The following LRRTM4 variants were observed in gnomAD, a reference collection of about 807,000 sequenced individuals.
The protein encoded by LRRTM4 is leucine rich repeat transmembrane neuronal 4, also known as leucine-rich repeat transmembrane neuronal protein 4.
LRRTM4 carries 25 observed loss-of-function variants against 47.6 expected under a neutral mutation model. That is an observed-to-expected ratio of 0.53 (90% CI 0.38 to 0.73). The LOEUF (loss-of-function observed/expected upper bound fraction) is 0.73, where lower values mean the gene tolerates loss of function less well. Among genes scored for constraint, LRRTM4 ranks in the 30% least tolerant of loss-of-function variants. LRRTM4 has a pLI of 0.00. For missense variants in LRRTM4, 638 were observed against 713.4 expected (o/e 0.89, Z 1.20); for synonymous variants, 311 against 269.5 (o/e 1.15, Z -1.51).
At chr2:77,264,092 G>T (rs568931650) in intron 3 of LRRTM4, among the ~76,000 whole-genome samples, 78 of 152,022 alleles carry the variant, frequency 5.1e-4, no homozygotes, top group African/African-American at 1.6e-3. Context: ...AATTGCATAT[G>T]GGAAAGTGTA....
chr2:76,770,624 T>G (rs2104110994), intron 3 of LRRTM4, among the ~76,000 whole-genome samples: 1 of 152,338 alleles, frequency 6.6e-6, no homozygotes, highest in African/African-American at 2.4e-5. Context: ...TTAATTCTTT[T>G]TAAAAGATGA....
chr2:77,150,381 A>C (rs1672382559), intron 3 of LRRTM4, among the ~76,000 whole-genome samples: 1 of 152,154 alleles, frequency 6.6e-6, no homozygotes, highest in Admixed American at 6.6e-5. Flanking sequence ...ATTTGCAAAG[A>C]AAATGAAGAT....
chr2:77,062,668 T>C (rs966570037), intron 3 of LRRTM4, among the ~76,000 whole-genome samples: 2 of 152,138 alleles, frequency 1.3e-5, no homozygotes, highest in African/African-American at 4.8e-5. Flanking sequence ...TCCTTTTTTT[T>C]CTCTCTGTCT....
At chr2:77,234,651 T>C (rs912913255) in intron 3 of LRRTM4, among the ~76,000 whole-genome samples, 1 of 152,194 alleles carries the variant, frequency 6.6e-6, no homozygotes, top group Non-Finnish European at 1.5e-5. Context: ...TGAAACCACC[T>C]GGGCAGATTT....
chr2:77,190,381 C>T (rs374098390), intron 3 of LRRTM4, among the ~76,000 whole-genome samples: 4 of 151,186 alleles, frequency 2.6e-5, no homozygotes, highest in East Asian at 3.9e-4. Flanking sequence ...CTGCAACCTC[C>T]GCCTCCCAGT....
chr2:77,185,217 C>G (rs1673466980), intron 3 of LRRTM4, among the ~76,000 whole-genome samples: 1 of 152,154 alleles, frequency 6.6e-6, no homozygotes, highest in South Asian at 2.1e-4. Context: ...CTCAATTCCA[C>G]ATGTTCTGGT....
At chr2:76,934,257 C>G (rs1181529883) in intron 3 of LRRTM4, among the ~76,000 whole-genome samples, 2 of 152,154 alleles carry the variant, frequency 1.3e-5, no homozygotes, top group African/African-American at 4.8e-5. Context: ...CCCACTTACA[C>G]ACATATGTAT....
At chr2:77,141,156 T>A (rs568272625) in intron 3 of LRRTM4, among the ~76,000 whole-genome samples, 163 of 152,272 alleles carry the variant, frequency 1.1e-3, no homozygotes, top group African/African-American at 3.6e-3. Context: ...CATGCTGCTG[T>A]AAAGACACAT....
At position 76,807,425 on chromosome 2, in the gene LRRTM4, C is replaced by CACACACAT. The variant is rs368842956; in HGVS notation, c.1552-58510_1552-58509insATGTGTGT. Among the ~76,000 whole-genome samples the CACACACAT allele has an allele frequency of 5.5e-4, 54 of 98,056 alleles. 2 individuals carry two copies. The highest frequency in any genetic ancestry group is 5.3e-3 in the Middle Eastern group (1 of 188). 64.3% of individuals were successfully genotyped at this position (98,056 alleles called of 152,430 possible). A position where few individuals can be genotyped will look rare whatever the true frequency, so the allele number is the denominator to read the frequency against. Reference sequence around the variant, plus strand: ...GTATATACGTATATATATATATATACATATATATATACGTATATACATATA... The same window carrying CACACACAT: ...GTATATACGTATATATATATATATACACACACATATATATATATACGTATATACATATA... On this transcript the variant is annotated intron_variant, in intron 3 of 3. Transcript: ENST00000409884.
intron 3 of LRRTM4, among the ~76,000 whole-genome samples, chr2:77,373,031 A>T (rs1160962898): frequency 6.7e-6 from 1 of 149,736 alleles, no homozygotes; most frequent in Non-Finnish European, 1.5e-5. Flanking sequence ...GCATCTGCTT[A>T]TAAACTCTGA....
At chr2:77,424,793 T>C (rs1675042281) in intron 3 of LRRTM4, among the ~76,000 whole-genome samples, 1 of 152,180 alleles carries the variant, frequency 6.6e-6, no homozygotes, top group Admixed American at 6.5e-5. Flanking sequence ...TAATCACATA[T>C]ACACTCCTGG....
chr2:77,388,961 A>C (rs1043700891), intron 3 of LRRTM4, among the ~76,000 whole-genome samples: 4 of 152,096 alleles, frequency 2.6e-5, no homozygotes, highest in Non-Finnish European at 5.9e-5. Flanking sequence ...CCATTTCACT[A>C]AAGTTATGAC....
At position 77,020,455 on chromosome 2, in the gene LRRTM4, C is replaced by T. The variant is rs150279179; in HGVS notation, c.1552-271539G>A. On this transcript the variant is annotated intron_variant, in intron 3 of 3. Coordinates refer to ENST00000409884, the MANE Select transcript of LRRTM4 (RefSeq NM_001134745.3). Reference sequence around the variant, plus strand: ...AGATTTATGGAGGTACCTAGCAGATCCCATCAGCTACACAAAAAGGTTTCT... The same window carrying T: ...AGATTTATGGAGGTACCTAGCAGATTCCATCAGCTACACAAAAAGGTTTCT... Among the ~76,000 whole-genome samples the T allele has an allele frequency of 3.6e-3, 555 of 152,172 alleles. 22 individuals are homozygous for T. In the South Asian group the frequency reaches 0.067, roughly 18 times the overall value.
chr2:76,914,327 T>C (rs1351839365), intron 3 of LRRTM4, among the ~76,000 whole-genome samples: 1 of 152,112 alleles, frequency 6.6e-6, no homozygotes, highest in Non-Finnish European at 1.5e-5. Context: ...GCTTGACTTA[T>C]TTCTGTTTCT....
At chr2:76,768,667 T>G (rs1673554741) in intron 3 of LRRTM4, among the ~76,000 whole-genome samples, 1 of 152,126 alleles carries the variant, frequency 6.6e-6, no homozygotes, top group African/African-American at 2.4e-5. Flanking sequence ...TTTTTTCCTC[T>G]TATAGGTACA....
At chr2:77,270,479 G>A (rs921128213) in intron 3 of LRRTM4, among the ~76,000 whole-genome samples, 2 of 152,276 alleles carry the variant, frequency 1.3e-5, no homozygotes, top group South Asian at 2.1e-4. Context: ...CAATAAATGT[G>A]TAGTAAAAGG....
At chr2:77,157,314 T>C (rs1672586398) in intron 3 of LRRTM4, among the ~76,000 whole-genome samples, 1 of 152,104 alleles carries the variant, frequency 6.6e-6, no homozygotes, top group African/African-American at 2.4e-5. Flanking sequence ...ATCATATCAG[T>C]AAGGTGTCAA....
At chr2:77,355,835 G>C (rs188573689) in intron 3 of LRRTM4, among the ~76,000 whole-genome samples, 2 of 152,188 alleles carry the variant, frequency 1.3e-5, no homozygotes, top group African/African-American at 4.8e-5. Flanking sequence ...GCTCATTCCT[G>C]TAATCCCAGC....
chr2:76,998,115 C>T (rs182073131), intron 3 of LRRTM4, among the ~76,000 whole-genome samples: 4 of 152,046 alleles, frequency 2.6e-5, no homozygotes, highest in East Asian at 3.9e-4. Flanking sequence ...ATGTAATATG[C>T]TCGAATCATC....
Sources: gnomAD v4.1 joint callset for allele counts (sites outside exome capture counted in the v4.1 genomes callset) on GRCh38, gnomAD v4.1.1 for gene constraint, MANE v1.5 for transcripts, NCBI Gene and HGNC (gene_info 2026-07-23, HGNC 2026-07-21) for gene names.